CDYL2: variants seen among roughly 807,000 people sequenced by gnomAD.
The protein encoded by CDYL2 is chromodomain Y-like protein 2.
Under a neutral mutation model 49.4 loss-of-function variants are expected in CDYL2, and 23 were observed. The observed-to-expected ratio is 0.47, with a 90% CI of 0.34 to 0.66. CDYL2 has a LOEUF of 0.66. CDYL2 is among the 30% of genes least tolerant of loss of function. CDYL2 has a pLI of 0.01. For synonymous variants in CDYL2, 360 were observed against 268.8 expected, an observed-to-expected ratio of 1.34 and a Z score of -3.32; for missense variants, 678 against 656.4, an observed-to-expected ratio of 1.03 and a Z score of -0.36.
intron 3 of CDYL2, among the ~76,000 whole-genome samples, chr16:80,625,807 C>G (rs529741043): frequency 6.6e-6 from 1 of 152,232 alleles, no homozygotes; most frequent in South Asian, 2.1e-4. Context: ...ATACAATTGT[C>G]AAGGTGCTGA....
At chr16:80,777,222 G>A (rs1341905902) in intron 1 of CDYL2, among the ~76,000 whole-genome samples, 1 of 152,144 alleles carries the variant, frequency 6.6e-6, no homozygotes, top group African/African-American at 2.4e-5. Flanking sequence ...GGGGCACACA[G>A]AGGACTAGAA....
chr16:80,657,396 A>T (rs1328296064), intron 2 of CDYL2, among the ~76,000 whole-genome samples: 1 of 152,236 alleles, frequency 6.6e-6, no homozygotes, highest in Non-Finnish European at 1.5e-5. Context: ...AAAGGCTAAT[A>T]TCCCCAATTG....
At chr16:80,742,814 A>G (rs902876821) in intron 1 of CDYL2, among the ~76,000 whole-genome samples, 1 of 151,010 alleles carries the variant, frequency 6.6e-6, no homozygotes, top group South Asian at 2.1e-4. Context: ...AGACAGATGT[A>G]AAATGAAAGA....
At chr16:80,769,060 C>A (rs780586206) in intron 1 of CDYL2, among the ~76,000 whole-genome samples, 1 of 152,144 alleles carries the variant, frequency 6.6e-6, no homozygotes, top group Non-Finnish European at 1.5e-5. Context: ...AATAGAATGG[C>A]CTTCATCAAG....
intron 1 of CDYL2, among the ~76,000 whole-genome samples, chr16:80,795,346 T>A (rs868569166): frequency 6.6e-6 from 1 of 152,020 alleles, no homozygotes; most frequent in African/African-American, 2.4e-5. Context: ...ATGACTGGAG[T>A]CAAGTGGGAA....
intron 1 of CDYL2, among the ~76,000 whole-genome samples, chr16:80,735,436 C>T (rs890939867): frequency 6.6e-6 from 1 of 152,162 alleles, no homozygotes; most frequent in African/African-American, 2.4e-5. Context: ...TAATAATAAC[C>T]ACGACATTGT....
intron 3 of CDYL2, among the ~76,000 whole-genome samples, chr16:80,625,737 G>C (rs1444549384): frequency 6.6e-6 from 1 of 152,144 alleles, no homozygotes; most frequent in Non-Finnish European, 1.5e-5. Flanking sequence ...CCTACAGAGG[G>C]CAAATATTTA....
intron 1 of CDYL2, among the ~76,000 whole-genome samples, chr16:80,695,642 G>A (rs1424571014): frequency 6.6e-6 from 1 of 152,068 alleles, no homozygotes; most frequent in African/African-American, 2.4e-5. Flanking sequence ...TTTAAAAACT[G>A]TAAAAAGCAA....
rs538431222 is a variant in CDYL2 at position 80,733,570 on chromosome 16, T to C, written c.25-48441A>G. Among the ~76,000 whole-genome samples the C allele has an allele frequency of 3.3e-5, 5 of 152,326 alleles. No individual in the cohort carries two copies. The South Asian group carries it at 6.2e-4, about 19-fold the overall frequency. ...CCTTGCCCTGGGGACATCATCACTA[T>C]GCCAAGATGGAGAAATGCCTGAGCA... On this transcript the variant is annotated intron_variant, in intron 1 of 6. Transcript: ENST00000570137.
intron 1 of CDYL2, among the ~76,000 whole-genome samples, chr16:80,748,463 C>T (rs946835071): frequency 7.9e-6 from 1 of 126,540 alleles, no homozygotes; most frequent in Non-Finnish European, 1.6e-5. Flanking sequence ...GGAGGCGGAT[C>T]GCGCCACTGC....
intron 1 of CDYL2, among the ~76,000 whole-genome samples, chr16:80,701,701 T>C (rs1904301764): frequency 6.6e-6 from 1 of 152,250 alleles, no homozygotes; most frequent in Admixed American, 6.5e-5. Flanking sequence ...AGTCTTCACA[T>C]ATTAAAAGTT....
chr16:80,778,873 G>A (rs9921063), intron 1 of CDYL2, among the ~76,000 whole-genome samples: 32,821 of 151,932 alleles, frequency 0.22, 6,169 homozygotes, highest in African/African-American at 0.51. Context: ...GACATTTCAA[G>A]TCAGAGGGAA....
At chr16:80,662,925 G>A (rs1048006135) in intron 2 of CDYL2, among the ~76,000 whole-genome samples, 3 of 151,926 alleles carry the variant, frequency 2.0e-5, no homozygotes, top group South Asian at 2.1e-4. Flanking sequence ...CAGAACCAGC[G>A]GAGGCCCAGC....
At chr16:80,636,471 T>G (rs958984547) in intron 2 of CDYL2, among the ~76,000 whole-genome samples, 2 of 152,130 alleles carry the variant, frequency 1.3e-5, no homozygotes, top group Admixed American at 1.3e-4. Flanking sequence ...TCATCACCGG[T>G]CATTACAGAA....
chr16:80,708,073 G>T (rs1387088537), intron 1 of CDYL2, among the ~76,000 whole-genome samples: 1 of 152,146 alleles, frequency 6.6e-6, no homozygotes, highest in Non-Finnish European at 1.5e-5. Flanking sequence ...ATGCCCCATA[G>T]GAGGTTGTAG....
chr16:80,700,187 G>A (rs1904293616), intron 1 of CDYL2, among the ~76,000 whole-genome samples: 1 of 152,200 alleles, frequency 6.6e-6, no homozygotes, highest in African/African-American at 2.4e-5. Context: ...AGCAAAGTTG[G>A]AGAAATCACA....
At chr16:80,630,141 G>A (rs552349597) in intron 3 of CDYL2, among the ~76,000 whole-genome samples, 2 of 152,266 alleles carry the variant, frequency 1.3e-5, no homozygotes, top group African/African-American at 4.8e-5. Context: ...CCAGTCAGCT[G>A]GCTCACCCAC....
chr16:80,713,419 C>T (rs934362928), intron 1 of CDYL2, among the ~76,000 whole-genome samples: 1 of 152,172 alleles, frequency 6.6e-6, no homozygotes, highest in Non-Finnish European at 1.5e-5. Flanking sequence ...AATGGCCTTT[C>T]AGATGCACTG....
chr16:80,753,795 A>G (rs1270772721), intron 1 of CDYL2, among the ~76,000 whole-genome samples: 1 of 152,234 alleles, frequency 6.6e-6, no homozygotes, highest in Non-Finnish European at 1.5e-5. Flanking sequence ...AGACTCCATT[A>G]AAATGACGAA....
Sources: allele counts gnomAD v4.1 joint callset (sites outside exome capture counted in the v4.1 genomes callset), GRCh38; gene constraint gnomAD v4.1.1; transcripts MANE v1.5; gene names NCBI Gene and HGNC (gene_info 2026-07-23, HGNC 2026-07-21).